The following CHN1 variants were observed in gnomAD, a reference collection of about 807,000 sequenced individuals.
CHN1 encodes the protein N-chimaerin.
A neutral mutation model predicts 59.5 loss-of-function variants in CHN1; 37 were observed. The observed-to-expected ratio is 0.62, with a 90% CI of 0.48 to 0.82. The LOEUF (loss-of-function observed/expected upper bound fraction) is 0.82. Ranked by LOEUF, CHN1 falls within the 40% of genes least tolerant of loss-of-function variation. The pLI, the probability that CHN1 is intolerant of heterozygous loss-of-function variation, is 0.00. For missense variants in CHN1, 469 were observed against 571.0 expected (o/e 0.82, Z 1.82); for synonymous variants, 206 against 200.4 (o/e 1.03, Z -0.24).
intron 1 of CHN1, among the ~76,000 whole-genome samples, chr2:174,955,154 CTA>C (rs149052420): frequency 0.048 from 6,216 of 130,342 alleles, 460 homozygotes; most frequent in African/African-American, 0.16. Context: ...CTCTATATAT[CTA>C]TGTCTATATA....
intron 1 of CHN1, among the ~76,000 whole-genome samples, chr2:174,955,682 G>C (rs1430233615): frequency 1.3e-5 from 2 of 151,818 alleles, no homozygotes; most frequent in Non-Finnish European, 2.9e-5. Flanking sequence ...AATAAAATGT[G>C]GTATGTACAC....
intron 1 of CHN1, among the ~76,000 whole-genome samples, chr2:174,986,542 G>A (rs776126780): frequency 2.0e-5 from 3 of 152,070 alleles, no homozygotes; most frequent in Non-Finnish European, 2.9e-5. Flanking sequence ...AAATACAGCC[G>A]ACCCTTAAAC....
At chr2:174,953,427 C>A (rs1269212559) in intron 1 of CHN1, among the ~76,000 whole-genome samples, 1 of 152,106 alleles carries the variant, frequency 6.6e-6, no homozygotes, top group Non-Finnish European at 1.5e-5. Context: ...ATAGAGTGTT[C>A]AAATATGTCT....
intron 5 of CHN1, among the ~76,000 whole-genome samples, chr2:174,901,767 C>T (rs1688394879): frequency 6.6e-6 from 1 of 152,054 alleles, no homozygotes; most frequent in Non-Finnish European, 1.5e-5. Context: ...TAATATTTTC[C>T]TTTTCCTACT....
At chr2:174,908,811 C>A (rs1295942223) in intron 5 of CHN1, among the ~76,000 whole-genome samples, 1 of 152,072 alleles carries the variant, frequency 6.6e-6, no homozygotes, top group African/African-American at 2.4e-5. Context: ...CCTCCAATTT[C>A]CATGAAAATG....
intron 1 of CHN1, among the ~76,000 whole-genome samples, chr2:174,981,381 C>A (rs1193796578): frequency 1.3e-5 from 2 of 152,100 alleles, no homozygotes; most frequent in African/African-American, 2.4e-5. Context: ...CATCACAGAA[C>A]CATTATCTTT....
intron 6 of CHN1, among the ~76,000 whole-genome samples, chr2:174,860,243 C>T (rs1687027790): frequency 1.3e-5 from 2 of 152,040 alleles, no homozygotes; most frequent in South Asian, 4.1e-4. Flanking sequence ...CATTAAAATC[C>T]ACCAAATAGA....
chr2:174,862,296 C>T (rs2105454231), intron 6 of CHN1, among the ~76,000 whole-genome samples: 1 of 150,672 alleles, frequency 6.6e-6, no homozygotes, highest in East Asian at 2.0e-4. Context: ...TTTTGAGATA[C>T]TAGGTATAGA....
At chr2:174,972,931 G>T in intron 1 of CHN1, among the ~76,000 whole-genome samples, 1 of 152,134 alleles carries the variant, frequency 6.6e-6, no homozygotes, top group East Asian at 1.9e-4. Flanking sequence ...ATCCTGAAAA[G>T]TTCCTAATAT....
At chr2:174,869,767 G>A (rs10930689) in intron 6 of CHN1, among the ~76,000 whole-genome samples, 49,386 of 152,006 alleles carry the variant, frequency 0.32, 9,328 homozygotes, top group Admixed American at 0.46. Context: ...AAGGGATGAG[G>A]ACTACAGCTT....
At chr2:174,913,601 CA>C (rs376596962) in intron 5 of CHN1, among the ~76,000 whole-genome samples, 114 of 152,222 alleles carry the variant, frequency 7.5e-4, no homozygotes, top group African/African-American at 2.6e-3. Context: ...GTGGAATTTA[CA>C]CTTTATAATT....
intron 12 of CHN1, among the ~76,000 whole-genome samples, chr2:174,800,979 T>C (rs567249645): frequency 6.6e-6 from 1 of 152,222 alleles, no homozygotes; most frequent in Non-Finnish European, 1.5e-5. Context: ...GACTAAAATA[T>C]CATTTTTATA....
chr2:174,901,791 T>A (rs906258635), intron 5 of CHN1, among the ~76,000 whole-genome samples: 5 of 152,350 alleles, frequency 3.3e-5, no homozygotes, highest in Middle Eastern at 3.4e-3. Flanking sequence ...CTGCATTTTA[T>A]ATATAGTACA....
chr2:174,815,620 T>G (rs1183559642), intron 8 of CHN1, among the ~76,000 whole-genome samples: 1 of 149,690 alleles, frequency 6.7e-6, no homozygotes, highest in East Asian at 2.0e-4. Flanking sequence ...GTTTCAAGAG[T>G]GTTCATAATT....
intron 7 of CHN1, among the ~76,000 whole-genome samples, chr2:174,844,627 T>C (rs1686441684): frequency 6.6e-6 from 1 of 152,194 alleles, no homozygotes. Context: ...GATGTGTATA[T>C]CACAATCAGT....
chr2:174,958,178 G>A (rs189747106), intron 1 of CHN1, among the ~76,000 whole-genome samples: 2 of 150,752 alleles, frequency 1.3e-5, no homozygotes, highest in African/African-American at 4.9e-5. Context: ...AGAGAAGGAA[G>A]GGAGGGAGGG....
intron 5 of CHN1, among the ~76,000 whole-genome samples, chr2:174,913,506 T>C (rs1398303583): frequency 1.3e-5 from 2 of 152,172 alleles, no homozygotes; most frequent in African/African-American, 2.4e-5. Context: ...GTAAATTGAA[T>C]AGGTATTTGA....
At chr2:174,911,492 C>A (rs1316754686) in intron 5 of CHN1, among the ~76,000 whole-genome samples, 3 of 152,168 alleles carry the variant, frequency 2.0e-5, no homozygotes, top group Admixed American at 6.5e-5. Context: ...CAAACTTTCA[C>A]TGAGTAAAAA....
intron 5 of CHN1, among the ~76,000 whole-genome samples, chr2:174,897,833 T>C (rs1311564635): frequency 1.3e-5 from 2 of 152,072 alleles, no homozygotes; most frequent in Non-Finnish European, 2.9e-5. Flanking sequence ...AGGCCTGTGG[T>C]GAAAAAAAGA....
Sources: gnomAD v4.1 joint callset for allele counts (sites outside exome capture counted in the v4.1 genomes callset) on GRCh38, gnomAD v4.1.1 for gene constraint, MANE v1.5 for transcripts, NCBI Gene and HGNC (gene_info 2026-07-23, HGNC 2026-07-21) for gene names.